PCDHA3: variants seen among roughly 807,000 people sequenced by gnomAD.
The protein encoded by PCDHA3 is protocadherin alpha-3.
In PCDHA3, 41 loss-of-function variants were observed where a neutral mutation model predicts 62.2. The ratio of observed to expected loss-of-function variants is 0.66; its 90% CI spans 0.51 to 0.86. The LOEUF is 0.86. Ranked by LOEUF, PCDHA3 falls within the 40% of genes least tolerant of loss-of-function variation. The pLI is 0.00. For synonymous variants in PCDHA3, 640 were observed against 555.4 expected (o/e 1.15, Z -2.14); for missense variants, 1,304 against 1,241.2 (o/e 1.05, Z -0.76).
In PCDHA3 at chr5:140,925,595, A is replaced by G. The variant is rs145876147; in HGVS notation, c.2395-53354A>G. 2.8e-3 allele frequency among the ~76,000 whole-genome samples: 431 copies of G among 151,786 alleles called. 1 individual carries two copies. Among genetic ancestry groups the G allele is most frequent in the African/African-American group, 9.9e-3 (412 of 41,446 alleles). On this transcript the variant is annotated intron_variant, in intron 1 of 3. Coordinates refer to ENST00000522353, the MANE Select transcript of PCDHA3 (RefSeq NM_018906.3). ...ACACCAACATGGCGCATGTATACAT[A>G]TGTAACAAACCTGCACGTTGTGCAC...
rs2150253454 is a variant in PCDHA3 at position 140,836,128 on chromosome 5, C to G, written c.2394+32537C>G. ...GGTGGCGCAGTGAGAGAGCTTGTGC[C>G]GCGGTCTGTGGGCGCGGGCCATGTG... On this transcript the variant is annotated intron_variant, in intron 1 of 3. Transcript: ENST00000522353. 13 of 1,613,624 alleles carry G rather than the reference C, an allele frequency of 8.1e-6. 2 individuals are homozygous for G. Among genetic ancestry groups the G allele is most frequent in the African/African-American group, 4.0e-5 (3 of 74,864 alleles).
rs146745311 is a variant in PCDHA3 at position 140,842,835 on chromosome 5, C to G, written c.2394+39244C>G. 9.4e-6 allele frequency: 15 copies of G among 1,593,736 alleles called. 3 individuals are homozygous for G. The African/African-American group carries it at 1.6e-4, about 17-fold the overall frequency. Reference sequence around the variant, plus strand: ...CGGCGGGTGGGCGAGCGCTCGCTGTCGAGCTACATTTCGGTGCACACGGAG... The same window carrying G: ...CGGCGGGTGGGCGAGCGCTCGCTGTGGAGCTACATTTCGGTGCACACGGAG... On this transcript the variant is annotated intron_variant, in intron 1 of 3. Transcript: ENST00000522353.
rs1392326756 is a variant in PCDHA3, at chr5:140,801,486, G to T, written c.289G>T (p.Gly97Trp). 2 of 1,614,122 alleles carry T rather than the reference G, an allele frequency of 1.2e-6. No homozygotes were observed. The highest frequency in any genetic ancestry group is 2.7e-5 in the African/African-American group (2 of 75,070). Residue 97 changes from glycine to tryptophan, a missense_variant, in exon 1 of 4, where the codon GGG becomes TGG. By Grantham distance (184) the Gly-to-Trp change is radical. Coordinates refer to ENST00000522353, the MANE Select transcript of PCDHA3 (RefSeq NM_018906.3). ...NSRIDREELCGRSAECSIHLE... is the reference protein window; with the variant it reads ...NSRIDREELCWRSAECSIHLE... ...TCGGATAGACCGCGAGGAACTGTGC[G>T]GGCGGAGCGCGGAGTGCAGCATCCA...
At chr5:140,849,767 G>A (rs1373587941) in intron 1 of PCDHA3, 1 of 1,598,498 alleles carries the variant, frequency 6.3e-7, no homozygotes, top group Non-Finnish European at 8.6e-7. Flanking sequence ...ACGAGCTGGT[G>A]GTTACCGCGC....
At chr5:140,905,620 T>G (rs1417322136) in intron 1 of PCDHA3, among the ~76,000 whole-genome samples, 2 of 152,210 alleles carry the variant, frequency 1.3e-5, no homozygotes, top group African/African-American at 4.8e-5. Context: ...ATAGATTGCT[T>G]TTGACAGTAT....
intron 1 of PCDHA3, among the ~76,000 whole-genome samples, chr5:140,840,434 G>A (rs1349807870): frequency 6.6e-6 from 1 of 151,928 alleles, no homozygotes; most frequent in Non-Finnish European, 1.5e-5. Flanking sequence ...GTTTAAAGCC[G>A]TGGAAATAGA....
rs2150495171 is a variant in PCDHA3, at chr5:140,850,706, G to C, written c.2394+47115G>C. 11 of 1,598,012 alleles carry C rather than the reference G, an allele frequency of 6.9e-6. 1 individual carries two copies. The highest frequency in any genetic ancestry group is 1.7e-5 in the Admixed American group (1 of 59,234). The stretch of plus-strand genomic sequence containing the variant: ...AGGGCGAGTGCGCGCCTGGCAAGCC[G>C]ACGCTGGTGTGTTCTAGCGCGGTGG... On this transcript the variant is annotated intron_variant, in intron 1 of 3. Transcript: ENST00000522353.
At chr5:140,817,026 G>A (rs2126677043) in intron 1 of PCDHA3, 9 of 152,288 alleles carry the variant, frequency 5.9e-5, no homozygotes, top group African/African-American at 2.2e-4. Context: ...TCATGAGAGA[G>A]AGAGTGCTGA....
chr5:141,006,948 A>G (rs1432589918), intron 3 of PCDHA3, among the ~76,000 whole-genome samples: 3 of 152,194 alleles, frequency 2.0e-5, no homozygotes, highest in African/African-American at 7.2e-5. Flanking sequence ...CCAGATAGGC[A>G]GTTATACATG....
intron 1 of PCDHA3, chr5:140,850,018 T>A: frequency 1.3e-6 from 2 of 1,596,890 alleles, no homozygotes; most frequent in Non-Finnish European, 1.7e-6. Context: ...TCGAGCTACG[T>A]GTCAGTGCAC....
At chr5:140,913,945 A>T (rs2076523304) in intron 1 of PCDHA3, among the ~76,000 whole-genome samples, 1 of 152,086 alleles carries the variant, frequency 6.6e-6, no homozygotes, top group Non-Finnish European at 1.5e-5. Flanking sequence ...AAGAATCTTG[A>T]TATGATATCA....
intron 3 of PCDHA3, among the ~76,000 whole-genome samples, chr5:140,987,372 A>G (rs1357478474): frequency 6.6e-6 from 1 of 152,204 alleles, no homozygotes; most frequent in Non-Finnish European, 1.5e-5. Flanking sequence ...ATATCATTAC[A>G]GGGTCAGAAT....
chr5:140,927,997 C>T (rs139322203), intron 1 of PCDHA3: 298 of 1,614,182 alleles, frequency 1.8e-4, no homozygotes, highest in Admixed American at 5.8e-4. Context: ...GGATGAAGAC[C>T]TCGATTCTAA....
rs115890668 is a variant in PCDHA3 at position 140,925,958 on chromosome 5, A to G, written c.2395-52991A>G. Among the ~76,000 whole-genome samples, 1,223 of 152,250 alleles carry G rather than the reference A, an allele frequency of 8.0e-3. 5 individuals carry two copies. The highest frequency in any genetic ancestry group is 0.019 in the African/African-American group (788 of 41,548). On this transcript the variant is annotated intron_variant, in intron 1 of 3. Coordinates refer to ENST00000522353, the MANE Select transcript of PCDHA3 (RefSeq NM_018906.3). ...GCCTCTTGGAGAAGGAGAAACTGCT[A>G]TCACGCAAAAAAAAAGCCTTGAGCT... is the stretch of plus-strand genomic sequence containing the variant.
In PCDHA3 at chr5:140,802,890, C is replaced by T. The variant is rs934549073; in HGVS notation, c.1693C>T (p.Leu565=). ...GGACGAGAACGACAACGCGCCGGCA[C>T]TGCTGATGCCTCGGGTGGGTGGCAT... The part of the protein sequence containing the change: ...VLDENDNAPA[L]LMPRVGGIGG... Residue 565 remains leucine, a synonymous_variant, in exon 1 of 4, where the codon CTG becomes TTG. Transcript: ENST00000522353. 1 of 1,613,662 alleles carries T rather than the reference C, an allele frequency of 6.2e-7. No individual in the cohort carries two copies. The highest frequency in any genetic ancestry group is 1.3e-5 in the African/African-American group (1 of 74,950).
intron 1 of PCDHA3, among the ~76,000 whole-genome samples, chr5:140,826,668 A>G (rs2150144773): frequency 3.3e-5 from 5 of 152,306 alleles, no homozygotes; most frequent in South Asian, 2.1e-4. Context: ...AGTAAATTGT[A>G]GACGTAATTA....
At chr5:140,886,605 A>G (rs998772471) in intron 1 of PCDHA3, among the ~76,000 whole-genome samples, 2 of 152,108 alleles carry the variant, frequency 1.3e-5, no homozygotes, top group Non-Finnish European at 2.9e-5. Flanking sequence ...AGGTGGGCGG[A>G]TCAGGAGATC....
At chr5:140,940,776 T>A (rs2092683795) in intron 1 of PCDHA3, among the ~76,000 whole-genome samples, 1 of 152,222 alleles carries the variant, frequency 6.6e-6, no homozygotes, top group African/African-American at 2.4e-5. Flanking sequence ...CTTTTGATGG[T>A]CCATATCCTG....
chr5:140,871,272 G>A, intron 1 of PCDHA3: 2 of 1,613,942 alleles, frequency 1.2e-6, no homozygotes, highest in South Asian at 2.2e-5. Flanking sequence ...TGTGGTGGTC[G>A]GCAACGCCCA....
Sources: allele counts gnomAD v4.1 joint callset (sites outside exome capture counted in the v4.1 genomes callset), GRCh38; gene constraint gnomAD v4.1.1; transcripts MANE v1.5; gene names NCBI Gene and HGNC (gene_info 2026-07-23, HGNC 2026-07-21).